Variants in MCOLN2 observed in about 807,000 individuals in gnomAD.
The protein encoded by MCOLN2 is mucolipin-2.
MCOLN2 carries 57 observed loss-of-function variants against 67.5 expected under a neutral mutation model. The observed-to-expected ratio is 0.84, with a 90% CI of 0.68 to 1.05. The LOEUF (loss-of-function observed/expected upper bound fraction) is 1.05. Among genes scored for constraint, MCOLN2 ranks in the 50% least tolerant of loss-of-function variants. MCOLN2 has a pLI of 0.00. For synonymous variants in MCOLN2, 246 were observed against 233.3 expected (o/e 1.05, Z -0.50); for missense variants, 620 against 678.8 (o/e 0.91, Z 0.96).
chr1:84,959,343 T>C (rs911000886), intron 2 of MCOLN2, among the ~76,000 whole-genome samples: 19 of 152,140 alleles, frequency 1.2e-4, no homozygotes, highest in African/African-American at 3.6e-4. Flanking sequence ...ACCCATTCAT[T>C]GTCACCAAGC....
At chr1:84,936,104 A>C (rs1284281536) in intron 11 of MCOLN2, among the ~76,000 whole-genome samples, 1 of 152,172 alleles carries the variant, frequency 6.6e-6, no homozygotes, top group Non-Finnish European at 1.5e-5. Flanking sequence ...TTAATATATT[A>C]AGGTGCCTAT....
chr1:84,952,891 C>T (rs1397992056), intron 4 of MCOLN2, among the ~76,000 whole-genome samples: 1 of 152,188 alleles, frequency 6.6e-6, no homozygotes, highest in East Asian at 1.9e-4. Context: ...GAGAGACATT[C>T]TACTCTTTAA....
chr1:84,990,672 C>T (rs1650847354), intron 1 of MCOLN2, among the ~76,000 whole-genome samples: 1 of 151,940 alleles, frequency 6.6e-6, no homozygotes, highest in Non-Finnish European at 1.5e-5. Context: ...AATCCCAGAG[C>T]TTTGGGAAGC....
intron 2 of MCOLN2, among the ~76,000 whole-genome samples, chr1:84,960,880 G>A (rs1405010328): frequency 3.0e-5 from 4 of 132,228 alleles, no homozygotes; most frequent in South Asian, 4.7e-4. Flanking sequence ...GGTATACAAC[G>A]TGGAAAAGAA....
rs1557665744 is a variant in MCOLN2 at position 84,987,524 on chromosome 1, G to GATATATATACATA, written c.77+9271_77+9272insTATGTATATATAT. Among the ~76,000 whole-genome samples, 7 of 18,220 alleles carry GATATATATACATA rather than the reference G, an allele frequency of 3.8e-4. 2 individuals carry two copies. The highest frequency in any genetic ancestry group is 1.1e-3 in the African/African-American group (5 of 4,368). The allele number at this position is 18,220 out of a possible 152,430, so 12.0% of individuals were successfully genotyped here. A position where few individuals can be genotyped will look rare whatever the true frequency, so the allele number is the denominator to read the frequency against. On this transcript the variant is annotated intron_variant, in intron 1 of 13. Transcript: ENST00000370608. The stretch of plus-strand genomic sequence containing the variant: ...CATAGATGTATACATATGTATATAT[G>GATATATATACATA]TATACATCTATGTATACATAGATGT...
chr1:84,927,022 T>G (rs1420118681), intron 13 of MCOLN2, among the ~76,000 whole-genome samples: 6 of 142,866 alleles, frequency 4.2e-5, no homozygotes, highest in Admixed American at 7.3e-5. Flanking sequence ...GAGGGGAACA[T>G]CGCACACGGG....
chr1:84,982,694 A>G (rs1362558817), intron 1 of MCOLN2, among the ~76,000 whole-genome samples: 1 of 152,104 alleles, frequency 6.6e-6, no homozygotes, highest in Non-Finnish European at 1.5e-5. Context: ...TGTTAGCTTT[A>G]AAGAAATTTA....
chr1:84,961,029 T>C (rs954660143), intron 2 of MCOLN2, among the ~76,000 whole-genome samples: 3 of 152,242 alleles, frequency 2.0e-5, no homozygotes, highest in African/African-American at 7.2e-5. Flanking sequence ...GTTTTTCCTT[T>C]TTCCCTGCTA....
At chr1:84,962,710 T>C (rs1020543906) in intron 2 of MCOLN2, among the ~76,000 whole-genome samples, 1 of 152,012 alleles carries the variant, frequency 6.6e-6, no homozygotes, top group Non-Finnish European at 1.5e-5. Context: ...ACAAACAAGA[T>C]GTGGAAGAGA....
Position 84,931,423 on chromosome 1 carries a change from A to T in MCOLN2, c.1481T>A (p.Phe494Tyr), listed in dbSNP as rs1280423285. The T allele has an allele frequency of 7.5e-6, 12 of 1,602,376 alleles. No individual in the cohort carries two copies. The highest frequency in any genetic ancestry group is 3.3e-5 in the Admixed American group (2 of 59,980). The stretch of plus-strand genomic sequence containing the variant: ...AAAAAGACTGAGAATCATATATATA[A>T]AAAGGCTGATGAAGGAATATAAATA... ...RLYLYSFISLFIYMILSLFIA... is the reference protein window; with the variant it reads ...RLYLYSFISLYIYMILSLFIA... The change falls in exon 12 of 14, where the codon TTT (phenylalanine) becomes TAT (tyrosine). Residue 494 changes from phenylalanine to tyrosine, a missense_variant. Phe to Tyr is a conservative substitution (Grantham distance 22, BLOSUM62 3). Transcript: ENST00000370608.
At chr1:84,952,096 G>C in intron 6 of MCOLN2, 147 bp downstream of exon 6, 1 of 548,834 alleles carries the variant, frequency 1.8e-6, no homozygotes, top group Non-Finnish European at 3.2e-6. Flanking sequence ...TAGAAAAAAA[G>C]AAAAGAGTAT....
chr1:84,990,609 T>C (rs79383110), intron 1 of MCOLN2, among the ~76,000 whole-genome samples: 199 of 152,006 alleles, frequency 1.3e-3, no homozygotes, highest in African/African-American at 4.6e-3. Context: ...TATAGTGAGA[T>C]CTCATTTTTC....
chr1:84,967,840 AGAAG>A (rs1373999527), intron 1 of MCOLN2, among the ~76,000 whole-genome samples: 1 of 125,188 alleles, frequency 8.0e-6, no homozygotes, highest in Non-Finnish European at 1.7e-5. Flanking sequence ...GAGGGAAGGA[AGAAG>A]GGAGAGAGGG....
chr1:84,975,410 G>T (rs1476306450), intron 1 of MCOLN2, among the ~76,000 whole-genome samples: 2 of 152,152 alleles, frequency 1.3e-5, no homozygotes, highest in Non-Finnish European at 2.9e-5. Flanking sequence ...GTAATCCAAA[G>T]AATTCTTCTA....
rs562963552 is a variant in MCOLN2, at chr1:84,932,304, A to G, written c.1336-736T>C. 7.9e-5 allele frequency among the ~76,000 whole-genome samples: 12 copies of G among 152,196 alleles called. No individual in the cohort carries two copies. The South Asian group carries it at 2.5e-3, about 32-fold the overall frequency. On this transcript the variant is annotated intron_variant, in intron 11 of 13. Transcript: ENST00000370608. ...CCAGCTCACTGCAACCTCTGCCTCC[A>G]GTGTTCAAGCGATTCTCATGTGTCG...
Position 84,987,301 on chromosome 1 carries a change from T to G in MCOLN2, c.77+9495A>C, listed in dbSNP as rs1469894234. ...TATCTATATACATATGCCATGTAGA[T>G]ACATATACATCTATATGTATATAGA... On this transcript the variant is annotated intron_variant, in intron 1 of 13. Transcript: ENST00000370608. Among the ~76,000 whole-genome samples, 8 of 145,570 alleles carry G rather than the reference T, an allele frequency of 5.5e-5. No homozygotes were observed. The Admixed American group carries it at 5.6e-4, about 10-fold the overall frequency.
At chr1:84,929,444 A>C in intron 13 of MCOLN2, 114 bp downstream of exon 13, 1 of 1,223,518 alleles carries the variant, frequency 8.2e-7, no homozygotes, top group Non-Finnish European at 1.1e-6. Context: ...AGAAAGGTGA[A>C]TTATTTCCCA....
Position 84,997,074 on chromosome 1 carries a change from C to T in MCOLN2, c.-202G>A. 1.7e-6 allele frequency: 1 copy of T among 587,298 alleles called. No individual in the cohort carries two copies. The highest frequency in any genetic ancestry group is 2.0e-5 in the South Asian group (1 of 48,800). 36.4% of individuals were successfully genotyped at this position (587,298 alleles called of 1,614,324 possible). A position where few individuals can be genotyped will look rare whatever the true frequency, so the allele number is the denominator to read the frequency against. ...GAGCAGGCGCCGCAGTCGTGGAGTG[C>T]GGCGGGCAGTTCTCGGGCGGCTGAA... On this transcript the variant is annotated 5_prime_UTR_variant, in exon 1 of 14. Transcript: ENST00000370608.
rs747044629 is a variant in MCOLN2 at position 84,952,255 on chromosome 1, G to T, written c.735C>A (p.Val245=). 5.0e-6 allele frequency: 8 copies of T among 1,609,312 alleles called. No individual in the cohort carries two copies. Among genetic ancestry groups the T allele is most frequent in the Non-Finnish European group, 6.8e-6 (8 of 1,177,544 alleles). The change falls in exon 6 of 14, where the codon GTC becomes GTA. Residue 245 remains valine (V), a synonymous_variant. Transcript: ENST00000370608. ...CAAAGATACTTGCCGTATTCTGAAA[G>T]ACATAACAGTCTGGTAACTCACGGG... The part of the protein sequence containing the change: ...IHSRELPDCY[V]FQNTIIFDNK...
Sources: allele counts gnomAD v4.1 joint callset (sites outside exome capture counted in the v4.1 genomes callset), GRCh38; gene constraint gnomAD v4.1.1; transcripts MANE v1.5; gene names NCBI Gene and HGNC (gene_info 2026-07-23, HGNC 2026-07-21).